The following CFAP299 variants were observed in gnomAD, a reference collection of about 807,000 sequenced individuals.
The protein encoded by CFAP299 is cilia- and flagella-associated protein 299.
CFAP299 carries 21 observed loss-of-function variants against 27.0 expected under a neutral mutation model. That is an observed-to-expected ratio of 0.78 (90% confidence interval 0.55 to 1.12). The LOEUF is 1.12. Ranked by LOEUF, CFAP299 falls within the 50% of genes most tolerant of loss-of-function variation. CFAP299 has a pLI of 0.00. For missense variants in CFAP299, 310 were observed against 276.6 expected (o/e 1.12, Z -0.86); for synonymous variants, 104 against 98.1 (o/e 1.06, Z -0.36).
chr4:80,568,111 G>GA (rs1735400602), intron 2 of CFAP299, among the ~76,000 whole-genome samples: 2 of 151,646 alleles, frequency 1.3e-5, no homozygotes, highest in African/African-American at 4.8e-5. Flanking sequence ...TAAAATGTTA[G>GA]AAAAAATGAG....
chr4:80,666,538 CA>C (rs1741149836), intron 3 of CFAP299, among the ~76,000 whole-genome samples: 1 of 152,084 alleles, frequency 6.6e-6, no homozygotes, highest in South Asian at 2.1e-4. Context: ...ATTTGGATGC[CA>C]CCTTCCTTCT....
chr4:80,757,039 T>C (rs1331029892), intron 3 of CFAP299, among the ~76,000 whole-genome samples: 1 of 152,176 alleles, frequency 6.6e-6, no homozygotes, highest in Non-Finnish European at 1.5e-5. Context: ...AACCATTTCA[T>C]GTGAAGAAAA....
intron 3 of CFAP299, among the ~76,000 whole-genome samples, chr4:80,801,181 T>C (rs1004183877): frequency 1.3e-5 from 2 of 150,874 alleles, no homozygotes; most frequent in African/African-American, 4.9e-5. Flanking sequence ...ACCATCACAC[T>C]ATGGTTTTTT....
At chr4:80,517,768 A>G (rs1732657577) in intron 2 of CFAP299, among the ~76,000 whole-genome samples, 3 of 152,204 alleles carry the variant, frequency 2.0e-5, no homozygotes, top group Admixed American at 2.0e-4. Context: ...TGGCCAAGGT[A>G]TAGAAGGCAA....
chr4:80,625,470 A>C (rs2109937900), intron 3 of CFAP299, among the ~76,000 whole-genome samples: 1 of 152,194 alleles, frequency 6.6e-6, no homozygotes, highest in East Asian at 1.9e-4. Context: ...AAGAGACAGA[A>C]GATCTATGAA....
At chr4:80,333,497 G>C (rs566236477), upstream of CFAP299, among the ~76,000 whole-genome samples, 1 of 152,226 alleles carries the variant, frequency 6.6e-6, no homozygotes, top group Non-Finnish European at 1.5e-5. Context: ...TTCCCTTCCT[G>C]TCATGTCAAC....
chr4:80,572,674 C>T (rs569614720), intron 2 of CFAP299, among the ~76,000 whole-genome samples: 32 of 151,626 alleles, frequency 2.1e-4, no homozygotes, highest in Non-Finnish European at 4.4e-4. Flanking sequence ...TGCGTCACCA[C>T]GCTTGGCTAA....
intron 4 of CFAP299, among the ~76,000 whole-genome samples, chr4:80,918,056 C>A (rs565862799): frequency 1.3e-5 from 2 of 152,226 alleles, no homozygotes; most frequent in East Asian, 3.9e-4. Flanking sequence ...ACCATTAGCT[C>A]TGCTCTTTTG....
chr4:80,550,259 G>A (rs1359612976), intron 2 of CFAP299, among the ~76,000 whole-genome samples: 1 of 151,968 alleles, frequency 6.6e-6, no homozygotes, highest in African/African-American at 2.4e-5. Flanking sequence ...ATAAAATCGT[G>A]AATAAGACCT....
At chr4:80,407,397 T>G (rs1228386392) in intron 2 of CFAP299, among the ~76,000 whole-genome samples, 1 of 152,182 alleles carries the variant, frequency 6.6e-6, no homozygotes, top group African/African-American at 2.4e-5. Context: ...GACTTATTCC[T>G]CAGTCTGTGG....
intron 2 of CFAP299, among the ~76,000 whole-genome samples, chr4:80,525,950 A>G (rs73832403): frequency 0.13 from 19,265 of 152,176 alleles, 1,685 homozygotes; most frequent in African/African-American, 0.24. Flanking sequence ...TTAATTAATT[A>G]AGGGCTTTTA....
chr4:80,509,311 A>G (rs753883264), intron 2 of CFAP299, among the ~76,000 whole-genome samples: 3 of 152,222 alleles, frequency 2.0e-5, no homozygotes, highest in Non-Finnish European at 4.4e-5. Flanking sequence ...TCATGAGGAA[A>G]TATTTTAGAG....
intron 3 of CFAP299, among the ~76,000 whole-genome samples, chr4:80,835,223 C>T (rs546023905): frequency 6.6e-6 from 1 of 152,232 alleles, no homozygotes; most frequent in East Asian, 1.9e-4. Flanking sequence ...CCTCAGCCTC[C>T]TGAGTAGCTG....
intron 2 of CFAP299, among the ~76,000 whole-genome samples, chr4:80,572,719 A>G (rs1735654859): frequency 6.6e-6 from 1 of 151,528 alleles, no homozygotes. Context: ...GGGTTTCACC[A>G]TGTTGACCAG....
chr4:80,958,359 A>G (rs1738172848), intron 5 of CFAP299, among the ~76,000 whole-genome samples: 1 of 152,192 alleles, frequency 6.6e-6, no homozygotes, highest in African/African-American at 2.4e-5. Flanking sequence ...CTTTGGTTTT[A>G]TAATTTGTAC....
intron 2 of CFAP299, among the ~76,000 whole-genome samples, chr4:80,501,260 A>G (rs1210270480): frequency 6.6e-6 from 1 of 151,926 alleles, no homozygotes; most frequent in Admixed American, 6.6e-5. Context: ...ATTGGAAACA[A>G]AAATATCAAA....
At chr4:80,904,796 G>C (rs1437761508) in intron 4 of CFAP299, among the ~76,000 whole-genome samples, 3 of 152,174 alleles carry the variant, frequency 2.0e-5, no homozygotes, top group Non-Finnish European at 4.4e-5. Flanking sequence ...TTAGTGAGAA[G>C]GGTGGAACCT....
chr4:80,458,083 T>A (rs1235136456), intron 2 of CFAP299, among the ~76,000 whole-genome samples: 1 of 152,090 alleles, frequency 6.6e-6, no homozygotes, highest in Non-Finnish European at 1.5e-5. Flanking sequence ...GAATGCTCAG[T>A]TTTTAGCCCG....
chr4:80,629,291 G>A (rs1739083276), intron 3 of CFAP299, among the ~76,000 whole-genome samples: 2 of 152,124 alleles, frequency 1.3e-5, no homozygotes, highest in Admixed American at 1.3e-4. Context: ...GTAGAATAGT[G>A]TTACCAGGGG....
Sources: allele counts gnomAD v4.1 joint callset (sites outside exome capture counted in the v4.1 genomes callset), GRCh38; gene constraint gnomAD v4.1.1; transcripts MANE v1.5; gene names NCBI Gene and HGNC (gene_info 2026-07-23, HGNC 2026-07-21).